MAP7D2: variants seen among roughly 807,000 people sequenced by gnomAD.
The protein encoded by MAP7D2 is MAP7 domain containing 2, also known as MAP7 domain-containing protein 2.
A neutral mutation model predicts 63.5 loss-of-function variants in MAP7D2; 33 were observed. That is an observed-to-expected ratio of 0.52 (90% CI 0.39 to 0.70). MAP7D2 has a LOEUF of 0.70. MAP7D2 is among the 30% of genes least tolerant of loss of function. The pLI is 0.00. For missense variants in MAP7D2, 626 were observed against 604.0 expected (o/e 1.04, Z -0.38); for synonymous variants, 224 against 223.7 (o/e 1.00, Z -0.01).
chrX:20,049,902 A>G (rs754133480), intron 6 of MAP7D2: 4 of 307,176 alleles, frequency 1.3e-5, no homozygotes, highest in Non-Finnish European at 2.5e-5. Context: ...GTGGCATCCC[A>G]CTATGGTTTT....
chrX:20,114,710 T>C (rs759879326), intron 1 of MAP7D2, among the ~76,000 whole-genome samples: 16 of 112,386 alleles, frequency 1.4e-4, no homozygotes, highest in Admixed American at 4.7e-4. Flanking sequence ...ATCCCCTAAG[T>C]GTGCAACACA....
intron 1 of MAP7D2, among the ~76,000 whole-genome samples, chrX:20,112,002 G>A (rs752604457): frequency 8.9e-6 from 1 of 111,925 alleles, no homozygotes; most frequent in Non-Finnish European, 1.9e-5. Context: ...GAACTCCTGA[G>A]TGCAAGCGAT....
chrX:20,016,429 C>G, intron 10 of MAP7D2, 104 bp from the exon 11 acceptor site: 1 of 645,463 alleles, frequency 1.5e-6, no homozygotes, highest in East Asian at 3.2e-5. Flanking sequence ...TGGTAACACA[C>G]ACACATACCT....
At chrX:20,111,561 C>T (rs754674413) in intron 1 of MAP7D2, among the ~76,000 whole-genome samples, 1 of 111,495 alleles carries the variant, frequency 9.0e-6, no homozygotes, top group Non-Finnish European at 1.9e-5. Flanking sequence ...GCAGAAGTCT[C>T]GTGGTCTCTA....
chrX:20,073,863 G>A (rs182969129), intron 1 of MAP7D2, among the ~76,000 whole-genome samples: 1,459 of 102,395 alleles, frequency 0.014, 7 homozygotes, highest in Middle Eastern at 0.02. Flanking sequence ...CCGGCCGGGC[G>A]CGGTGGCTCA....
At chrX:20,053,013 T>G in intron 4 of MAP7D2, 25 bp from the exon 5 acceptor site, 1 of 1,075,060 alleles carries the variant, frequency 9.3e-7, no homozygotes, top group Non-Finnish European at 1.3e-6. Flanking sequence ...ATTAAAGACA[T>G]TGGTATTCAT....
chrX:20,065,133 T>G (rs2065319386), intron 1 of MAP7D2, among the ~76,000 whole-genome samples: 1 of 111,719 alleles, frequency 9.0e-6, no homozygotes, highest in Non-Finnish European at 1.9e-5. Flanking sequence ...CCTGGCAGTG[T>G]GCAGAGAAGC....
chrX:20,073,091 T>G (rs2065548254), intron 1 of MAP7D2, among the ~76,000 whole-genome samples: 1 of 106,802 alleles, frequency 9.4e-6, no homozygotes, highest in Non-Finnish European at 1.9e-5. Context: ...CATCAGGGAG[T>G]GTTCCACAAC....
intron 5 of MAP7D2, among the ~76,000 whole-genome samples, chrX:20,052,039 C>T: frequency 8.9e-6 from 1 of 111,947 alleles, no homozygotes; most frequent in East Asian, 2.8e-4. Context: ...GGTACAAGGT[C>T]AATGTCAGTG....
rs896899331 is a variant in MAP7D2, at chrX:20,006,826, C to G, written c.*1599G>C. ...TTAAAAGCCTGGTTTGGTTTCAGCA[C>G]ATTGAGCTTACAGAAAAAATAAAAC... On this transcript the variant is annotated 3_prime_UTR_variant, in exon 17 of 17. Coordinates refer to ENST00000379643, the MANE Select transcript of MAP7D2 (RefSeq NM_001168465.2). 1 of 111,551 alleles carries G rather than the reference C, an allele frequency of 9.0e-6. No individual in the cohort carries two copies. The highest frequency in any genetic ancestry group is 3.3e-5 in the African/African-American group (1 of 30,673). The allele number at this position is 111,551 out of a possible 1,213,427, so 9.2% of individuals were successfully genotyped here.
At chrX:20,116,458 A>AC (rs1190512612) in intron 1 of MAP7D2, 1 of 546,050 alleles carries the variant, frequency 1.8e-6, no homozygotes, top group African/African-American at 2.6e-5. Flanking sequence ...GACCCGCAGC[A>AC]CCCCCTCAGG....
At chrX:20,081,041 G>A (rs2065764672) in intron 1 of MAP7D2, among the ~76,000 whole-genome samples, 1 of 111,978 alleles carries the variant, frequency 8.9e-6, no homozygotes, top group East Asian at 2.8e-4. Context: ...CTTCTGGAAA[G>A]AGGGCCAAGA....
intron 16 of MAP7D2, among the ~76,000 whole-genome samples, chrX:20,010,165 T>C (rs1254192408): frequency 8.9e-6 from 1 of 112,169 alleles, no homozygotes; most frequent in Non-Finnish European, 1.9e-5. Context: ...ACAGAGTGTA[T>C]ATAACTCATA....
intron 6 of MAP7D2, among the ~76,000 whole-genome samples, chrX:20,045,269 TATA>T (rs2064764675): frequency 9.0e-6 from 1 of 110,959 alleles, no homozygotes; most frequent in South Asian, 3.8e-4. Context: ...TTCCTCCTGC[TATA>T]ATAAATCATA....
intron 1 of MAP7D2, among the ~76,000 whole-genome samples, chrX:20,115,424 T>C (rs950192107): frequency 2.7e-5 from 3 of 111,099 alleles, no homozygotes; most frequent in Non-Finnish European, 3.8e-5. Flanking sequence ...AGTGTTTTAT[T>C]ATACAAGGTC....
rs370314295 is a variant in MAP7D2, at chrX:20,055,436, G to A, written c.484+1244C>T. 5.4e-4 allele frequency among the ~76,000 whole-genome samples: 61 copies of A among 111,932 alleles called. No homozygotes were observed. In the South Asian group the frequency reaches 0.022, roughly 41 times the overall value. ...CTTAATGTCTACAACAGATGATGAA[G>A]AGATTGTTAAAGATCTGAGTGTGCA... On this transcript the variant is annotated intron_variant, in intron 4 of 16. Coordinates refer to ENST00000379643, the MANE Select transcript of MAP7D2 (RefSeq NM_001168465.2).
chrX:20,021,351 G>C (rs780854357), intron 10 of MAP7D2: 5 of 112,399 alleles, frequency 4.4e-5, no homozygotes, highest in African/African-American at 1.3e-4. Context: ...TCCACGGTTT[G>C]ACTCAAGTAA....
intron 1 of MAP7D2, among the ~76,000 whole-genome samples, chrX:20,074,279 G>A (rs1242666240): frequency 1.8e-5 from 2 of 111,189 alleles, no homozygotes; most frequent in East Asian, 5.6e-4. Context: ...TGCTCTCCTG[G>A]GAGAGAGGAG....
chrX:20,061,711 G>T (rs983256522), intron 3 of MAP7D2, among the ~76,000 whole-genome samples: 8 of 112,813 alleles, frequency 7.1e-5, no homozygotes, highest in African/African-American at 2.3e-4. Flanking sequence ...AGGGGGAGCT[G>T]TTCTACTTAA....
Sources: gnomAD v4.1 joint callset for allele counts (sites outside exome capture counted in the v4.1 genomes callset) on GRCh38, gnomAD v4.1.1 for gene constraint, MANE v1.5 for transcripts, NCBI Gene and HGNC (gene_info 2026-07-23, HGNC 2026-07-21) for gene names.